The following LRBA variants were observed in gnomAD, a reference collection of about 807,000 sequenced individuals.
The protein encoded by LRBA is lipopolysaccharide-responsive and beige-like anchor protein.
A neutral mutation model predicts 330.0 loss-of-function variants in LRBA; 176 were observed. That is an observed-to-expected ratio of 0.53 (90% confidence interval 0.47 to 0.60). The LOEUF (loss-of-function observed/expected upper bound fraction) is 0.60, where lower values mean the gene tolerates loss of function less well. Among genes scored for constraint, LRBA ranks in the 20% least tolerant of loss-of-function variants. The pLI, the probability that LRBA is intolerant of heterozygous loss-of-function variation, is 0.00. For synonymous variants in LRBA, 1,230 were observed against 1,193.0 expected, an observed-to-expected ratio of 1.03 and a Z score of -0.64; for missense variants, 3,259 against 3,444.8, an observed-to-expected ratio of 0.95 and a Z score of 1.35.
intron 37 of LRBA, among the ~76,000 whole-genome samples, chr4:150,665,369 T>C (rs1459087184): frequency 6.6e-6 from 1 of 152,182 alleles, no homozygotes; most frequent in Non-Finnish European, 1.5e-5. Flanking sequence ...TGTAAAGTTC[T>C]ATATCAGTGT....
At chr4:150,338,866 T>C (rs1007850902) in intron 48 of LRBA, among the ~76,000 whole-genome samples, 8 of 151,770 alleles carry the variant, frequency 5.3e-5, no homozygotes, top group African/African-American at 1.9e-4. Context: ...CTTTCTAGTC[T>C]CTCACTTTAT....
chr4:150,841,212 A>T (rs1336684892), intron 28 of LRBA, among the ~76,000 whole-genome samples: 5 of 152,162 alleles, frequency 3.3e-5, no homozygotes, highest in Non-Finnish European at 7.4e-5. Flanking sequence ...CTTGTTCTTA[A>T]CTTCTTAGTC....
intron 37 of LRBA, among the ~76,000 whole-genome samples, chr4:150,616,523 A>C (rs1775784107): frequency 6.6e-6 from 1 of 152,216 alleles, no homozygotes; most frequent in African/African-American, 2.4e-5. Context: ...TCAAAAAGTC[A>C]AGTAAGAAGA....
At chr4:150,316,680 C>G (rs972471543) in intron 50 of LRBA, among the ~76,000 whole-genome samples, 16 of 152,152 alleles carry the variant, frequency 1.1e-4, no homozygotes, top group Admixed American at 3.3e-4. Flanking sequence ...TACCGGTGGG[C>G]TAGGGGAGGT....
In LRBA at chr4:150,852,418, C is replaced by T. The variant is rs769475862; in HGVS notation, c.3292G>A (p.Asp1098Asn). ...EDASEMPEFLDKSIVEEEEDD... is the reference protein window; with the variant it reads ...EDASEMPEFLNKSIVEEEEDD... Reference sequence around the variant, plus strand: ...TCCTCTTCCTCTACTATAGATTTATCCAAGAATTCTGGCATCTCTGAGGCA... The same window carrying T: ...TCCTCTTCCTCTACTATAGATTTATTCAAGAATTCTGGCATCTCTGAGGCA... Residue 1098 changes from aspartate (D) to asparagine (N), a missense_variant, in exon 23 of 57, where the codon GAT becomes AAT. Physicochemically the swap from Asp to Asn is conservative, Grantham distance 23. Coordinates refer to ENST00000651943, the MANE Select transcript of LRBA (RefSeq NM_001364905.1). 5 of 1,613,472 alleles carry T rather than the reference C, an allele frequency of 3.1e-6. No individual in the cohort carries two copies. The highest frequency in any genetic ancestry group is 2.2e-5 in the South Asian group (2 of 91,056).
At chr4:150,439,926 T>C (rs1751600870) in intron 44 of LRBA, among the ~76,000 whole-genome samples, 1 of 152,188 alleles carries the variant, frequency 6.6e-6, no homozygotes, top group East Asian at 1.9e-4. Flanking sequence ...CAAGAGTCAG[T>C]CATATACCAA....
intron 37 of LRBA, among the ~76,000 whole-genome samples, chr4:150,651,460 T>C (rs1240903063): frequency 6.6e-6 from 1 of 152,196 alleles, no homozygotes; most frequent in Non-Finnish European, 1.5e-5. Context: ...GATAATATCA[T>C]CTACTTTCAG....
chr4:150,507,392 G>A (rs1211707966), intron 40 of LRBA, among the ~76,000 whole-genome samples: 1 of 151,908 alleles, frequency 6.6e-6, no homozygotes, highest in Non-Finnish European at 1.5e-5. Flanking sequence ...ATAGACCAAT[G>A]GAACAGAACA....
intron 47 of LRBA, among the ~76,000 whole-genome samples, chr4:150,377,470 T>C (rs924821566): frequency 6.6e-6 from 1 of 152,204 alleles, no homozygotes; most frequent in Admixed American, 6.5e-5. Flanking sequence ...AGGACCCTTA[T>C]ACTATGCAGC....
chr4:150,310,002 A>C (rs930676057), intron 52 of LRBA, among the ~76,000 whole-genome samples: 2 of 152,198 alleles, frequency 1.3e-5, no homozygotes, highest in African/African-American at 4.8e-5. Flanking sequence ...AGCTTGGGTC[A>C]CAAACCTATA....
intron 46 of LRBA, among the ~76,000 whole-genome samples, chr4:150,431,828 A>C (rs1269253677): frequency 1.3e-5 from 2 of 152,258 alleles, no homozygotes; most frequent in East Asian, 3.9e-4. Context: ...GAGAGGTCAG[A>C]TCTGAAATGG....
At chr4:150,433,110 C>T (rs985037904) in intron 46 of LRBA, among the ~76,000 whole-genome samples, 1 of 151,974 alleles carries the variant, frequency 6.6e-6, no homozygotes, top group African/African-American at 2.4e-5. Context: ...TTTGTGCTTC[C>T]AAACATAATG....
intron 37 of LRBA, among the ~76,000 whole-genome samples, chr4:150,647,174 C>G (rs1581914763): frequency 6.6e-6 from 1 of 151,350 alleles, no homozygotes; most frequent in Non-Finnish European, 1.5e-5. Context: ...AAATGCCTTG[C>G]AGAATATGTC....
At chr4:150,626,950 C>T (rs556499873) in intron 37 of LRBA, among the ~76,000 whole-genome samples, 7 of 152,138 alleles carry the variant, frequency 4.6e-5, no homozygotes, top group African/African-American at 1.7e-4. Context: ...TAAAATCATA[C>T]ATACATCAAG....
At chr4:150,652,896 G>C (rs1026924459) in intron 37 of LRBA, among the ~76,000 whole-genome samples, 1 of 152,136 alleles carries the variant, frequency 6.6e-6, no homozygotes, top group Admixed American at 6.5e-5. Context: ...GTGAATCTAG[G>C]TACTGTCAGC....
intron 53 of LRBA, among the ~76,000 whole-genome samples, chr4:150,286,807 G>A (rs1380316774): frequency 6.6e-6 from 1 of 152,110 alleles, no homozygotes; most frequent in Non-Finnish European, 1.5e-5. Context: ...AAAAGAAAAC[G>A]TATGGTTGGT....
Position 150,321,148 on chromosome 4 carries a change from G to A in LRBA, c.7630+43C>T. ...TATATTTAAGTGGGTATTACACAGTGTTCAGCAGTTACCATGCCTTATAAT... is the reference window on the plus strand; with the variant it reads ...TATATTTAAGTGGGTATTACACAGTATTCAGCAGTTACCATGCCTTATAAT... On this transcript the variant is annotated intron_variant, in intron 50 of 56. Coordinates refer to ENST00000651943, the MANE Select transcript of LRBA (RefSeq NM_001364905.1). This position sits in a 1 kb window ranked among gnomAD's most constrained non-coding sequence, Gnocchi z 4.5. 3 of 1,529,348 alleles carry A rather than the reference G, an allele frequency of 2.0e-6. No homozygotes were observed. Among genetic ancestry groups the A allele is most frequent in the Non-Finnish European group, 2.7e-6 (3 of 1,113,932 alleles). 94.7% of individuals were successfully genotyped at this position (1,529,348 alleles called of 1,614,324 possible).
At chr4:150,490,783 C>CA in intron 41 of LRBA, 135 bp downstream of exon 41, 2 of 450,066 alleles carry the variant, frequency 4.4e-6, no homozygotes, top group Non-Finnish European at 4.0e-6. Context: ...GCATTTGGTA[C>CA]AAAAAAAGAG....
At chr4:150,349,368 T>C (rs541607118) in intron 48 of LRBA, among the ~76,000 whole-genome samples, 5 of 152,356 alleles carry the variant, frequency 3.3e-5, no homozygotes, top group African/African-American at 9.6e-5. Flanking sequence ...ATTTTTCATA[T>C]GAAGTATATT....
Sources: allele counts gnomAD v4.1 joint callset (sites outside exome capture counted in the v4.1 genomes callset), GRCh38; gene constraint gnomAD v4.1.1; non-coding constraint Gnocchi (gnomAD v3.1); transcripts MANE v1.5; gene names NCBI Gene and HGNC (gene_info 2026-07-23, HGNC 2026-07-21).